The following TRAPPC9 variants were observed in gnomAD, a reference collection of about 807,000 sequenced individuals.
The protein encoded by TRAPPC9 is trafficking protein particle complex subunit 9, also known as IKK2 binding protein.
Under a neutral mutation model 124.0 loss-of-function variants are expected in TRAPPC9, and 83 were observed. The ratio of observed to expected loss-of-function variants is 0.67; its 90% confidence interval spans 0.56 to 0.80. The LOEUF (loss-of-function observed/expected upper bound fraction) is 0.80, where lower values mean the gene tolerates loss of function less well. TRAPPC9 is among the 30% of genes least tolerant of loss of function. The probability of loss-of-function intolerance (pLI) is 0.00; values close to 1 mark genes in which losing one functional copy is unlikely to be tolerated. For synonymous variants in TRAPPC9, 638 were observed against 617.5 expected (o/e 1.03, Z -0.49); for missense variants, 1,302 against 1,508.3 (o/e 0.86, Z 2.27).
intron 17 of TRAPPC9, among the ~76,000 whole-genome samples, chr8:140,183,750 G>A (rs2062261341): frequency 6.6e-6 from 1 of 151,660 alleles, no homozygotes. Context: ...AGCTACTCAG[G>A]AGACTGAAGC....
At chr8:140,300,268 C>A (rs2065932679) in intron 11 of TRAPPC9, among the ~76,000 whole-genome samples, 1 of 142,748 alleles carries the variant, frequency 7.0e-6, no homozygotes, top group African/African-American at 3.1e-5. Context: ...CATACACGCA[C>A]ATATGCACGC....
chr8:140,142,821 A>G (rs1022752875), intron 17 of TRAPPC9, among the ~76,000 whole-genome samples: 1 of 152,256 alleles, frequency 6.6e-6, no homozygotes, highest in African/African-American at 2.4e-5. Context: ...ATTTGTAAAG[A>G]GGCATAATGA....
chr8:139,736,983 G>A (rs1295140033), intron 21 of TRAPPC9, among the ~76,000 whole-genome samples: 1 of 152,222 alleles, frequency 6.6e-6, no homozygotes, highest in African/African-American at 2.4e-5. Context: ...TGGCTTCCCC[G>A]ACTCCAACCA....
At chr8:139,894,387 C>T (rs988667831) in intron 20 of TRAPPC9, among the ~76,000 whole-genome samples, 1 of 152,116 alleles carries the variant, frequency 6.6e-6, no homozygotes, top group Non-Finnish European at 1.5e-5. Context: ...CTGTCCTTTC[C>T]AGGAGGGGTC....
chr8:140,106,808 C>T (rs1363258275), intron 17 of TRAPPC9, among the ~76,000 whole-genome samples: 1 of 152,160 alleles, frequency 6.6e-6, no homozygotes, highest in Admixed American at 6.5e-5. Context: ...TTGAACAGTG[C>T]CAAGCTCCAC....
At chr8:140,289,107 A>G (rs1358401969) in intron 12 of TRAPPC9, among the ~76,000 whole-genome samples, 1 of 152,120 alleles carries the variant, frequency 6.6e-6, no homozygotes, top group East Asian at 1.9e-4. Context: ...ATGCATGTCT[A>G]TGGTGCAGAC....
intron 15 of TRAPPC9, among the ~76,000 whole-genome samples, chr8:140,255,923 T>C (rs1313579657): frequency 6.6e-6 from 1 of 152,102 alleles, no homozygotes; most frequent in Non-Finnish European, 1.5e-5. Context: ...ATGAGATTCT[T>C]ATAGGAATTT....
intron 9 of TRAPPC9, among the ~76,000 whole-genome samples, chr8:140,342,654 C>G (rs1014890183): frequency 1.6e-4 from 25 of 152,222 alleles, no homozygotes; most frequent in Non-Finnish European, 1.9e-4. Flanking sequence ...TACCTTCTCC[C>G]CAGCCCAGTG....
At chr8:140,048,366 G>C (rs1841756776) in intron 17 of TRAPPC9, among the ~76,000 whole-genome samples, 1 of 152,154 alleles carries the variant, frequency 6.6e-6, no homozygotes, top group African/African-American at 2.4e-5. Flanking sequence ...TGGAAGCTCT[G>C]GAAGAAACAA....
intron 7 of TRAPPC9, among the ~76,000 whole-genome samples, chr8:140,374,382 C>G (rs566139666): frequency 1.4e-4 from 21 of 152,222 alleles, no homozygotes; most frequent in Non-Finnish European, 2.6e-4. Flanking sequence ...CCAGCCTGAC[C>G]AACATGGAGA....
intron 19 of TRAPPC9, chr8:139,931,459 C>T (rs2131384986): frequency 6.6e-6 from 1 of 152,316 alleles, no homozygotes; most frequent in East Asian, 1.9e-4. Context: ...AGGCAGGTGC[C>T]CACTGGAACC....
chr8:140,210,666 G>C (rs978170801), intron 17 of TRAPPC9, among the ~76,000 whole-genome samples: 4 of 152,258 alleles, frequency 2.6e-5, no homozygotes, highest in East Asian at 1.9e-4. Flanking sequence ...ACAAACAGAT[G>C]ATGAAGGCAC....
At chr8:139,827,513 C>T (rs115229725) in intron 21 of TRAPPC9, among the ~76,000 whole-genome samples, 67 of 152,324 alleles carry the variant, frequency 4.4e-4, no homozygotes, top group African/African-American at 1.5e-3. Flanking sequence ...CCACAGAGAC[C>T]GCGTTGGCTT....
intron 3 of TRAPPC9, 30 bp downstream of exon 3, chr8:140,439,022 T>C: frequency 6.2e-7 from 1 of 1,613,702 alleles, no homozygotes; most frequent in Non-Finnish European, 8.5e-7. Flanking sequence ...AACAATTACA[T>C]ATCAGATCAT....
chr8:140,289,586 T>C (rs1446221986), intron 12 of TRAPPC9, among the ~76,000 whole-genome samples: 1 of 152,148 alleles, frequency 6.6e-6, no homozygotes, highest in African/African-American at 2.4e-5. Flanking sequence ...GCTATCTCCA[T>C]GTGGTGCTTT....
intron 19 of TRAPPC9, among the ~76,000 whole-genome samples, chr8:139,971,850 G>C (rs1348960020): frequency 6.7e-6 from 1 of 149,768 alleles, no homozygotes; most frequent in Non-Finnish European, 1.5e-5. Flanking sequence ...TTTTGAGACA[G>C]AGTCTCGCTC....
intron 21 of TRAPPC9, among the ~76,000 whole-genome samples, chr8:139,844,118 C>T (rs935480078): frequency 2.6e-5 from 4 of 152,178 alleles, no homozygotes; most frequent in Non-Finnish European, 4.4e-5. Flanking sequence ...TGACTATGCT[C>T]ACCCGCCAGA....
intron 5 of TRAPPC9, among the ~76,000 whole-genome samples, chr8:140,409,645 A>G (rs72692388): frequency 0.022 from 3,278 of 152,332 alleles, 59 homozygotes; most frequent in Non-Finnish European, 0.035. Flanking sequence ...AAAGATCTCC[A>G]TAAGCTGATA....
chr8:140,119,699 A>G (rs1298144869), intron 17 of TRAPPC9, among the ~76,000 whole-genome samples: 1 of 152,232 alleles, frequency 6.6e-6, no homozygotes, highest in South Asian at 2.1e-4. Flanking sequence ...ATATTTTCAG[A>G]GTGGCTCAGC....
Sources: gnomAD v4.1 joint callset for allele counts (sites outside exome capture counted in the v4.1 genomes callset) on GRCh38, gnomAD v4.1.1 for gene constraint, MANE v1.5 for transcripts, NCBI Gene and HGNC (gene_info 2026-07-23, HGNC 2026-07-21) for gene names.